Variants in RSPO3 observed in about 807,000 individuals in gnomAD.
RSPO3 encodes the protein R-spondin 3, also known as R-spondin-3.
A neutral mutation model predicts 36.5 loss-of-function variants in RSPO3; 17 were observed. The observed-to-expected ratio is 0.47, with a 90% CI of 0.32 to 0.70. RSPO3 has a LOEUF of 0.70. Ranked by LOEUF, RSPO3 falls within the 30% of genes least tolerant of loss-of-function variation. The pLI, the probability that RSPO3 is intolerant of heterozygous loss-of-function variation, is 0.04. For synonymous variants in RSPO3, 108 were observed against 107.0 expected (o/e 1.01, Z -0.06); for missense variants, 294 against 322.5 (o/e 0.91, Z 0.68).
intron 4 of RSPO3, among the ~76,000 whole-genome samples, chr6:127,188,355 T>C (rs1775338834): frequency 6.6e-6 from 1 of 152,204 alleles, no homozygotes; most frequent in East Asian, 1.9e-4. Flanking sequence ...TGATTACTGA[T>C]ATTTATGATG....
rs1327858667 is a variant in RSPO3 at position 127,119,178 on chromosome 6, C to T, written c.-15C>T. 2.2e-5 allele frequency: 34 copies of T among 1,550,344 alleles called. No homozygotes were observed. The highest frequency in any genetic ancestry group is 2.8e-5 in the Non-Finnish European group (32 of 1,123,574). ...AAGAAAGAGGAGAAAGGAAGGGAAG[C>T]ATTACTGGGTTACTATGCACTTGCG... On this transcript the variant is annotated 5_prime_UTR_variant, in exon 1 of 5. Transcript: ENST00000356698.
At chr6:127,137,182 A>G (rs1324784306) in intron 1 of RSPO3, among the ~76,000 whole-genome samples, 1 of 152,096 alleles carries the variant, frequency 6.6e-6, no homozygotes, top group African/African-American at 2.4e-5. Flanking sequence ...ACTTGAGGTC[A>G]GGAGTTAAAG....
At chr6:127,148,619 G>A in intron 1 of RSPO3, 29 bp from the exon 2 acceptor site, 1 of 1,565,328 alleles carries the variant, frequency 6.4e-7, no homozygotes. Flanking sequence ...TTTAACCTTT[G>A]TAATGTCTTT....
chr6:127,160,187 T>C (rs1023346978), intron 4 of RSPO3, among the ~76,000 whole-genome samples: 2 of 152,216 alleles, frequency 1.3e-5, no homozygotes, highest in Non-Finnish European at 2.9e-5. Flanking sequence ...CCTGATACTT[T>C]AAAATTTCAT....
intron 1 of RSPO3, among the ~76,000 whole-genome samples, chr6:127,123,974 G>T (rs1773892943): frequency 6.6e-6 from 1 of 151,908 alleles, no homozygotes; most frequent in Non-Finnish European, 1.5e-5. Context: ...ATTTGAATCT[G>T]GACAGAGATC....
At chr6:127,177,955 A>C (rs1294868298) in intron 4 of RSPO3, among the ~76,000 whole-genome samples, 1 of 151,676 alleles carries the variant, frequency 6.6e-6, no homozygotes, top group Admixed American at 6.6e-5. Flanking sequence ...TATTAGTCTC[A>C]TAATCAGTGG....
chr6:127,128,035 T>C (rs1285985606), intron 1 of RSPO3, among the ~76,000 whole-genome samples: 2 of 152,108 alleles, frequency 1.3e-5, no homozygotes, highest in Non-Finnish European at 2.9e-5. Flanking sequence ...TGAAAGACTC[T>C]GTGATTGTTA....
chr6:127,162,575 AT>A (rs1178040370), intron 4 of RSPO3, among the ~76,000 whole-genome samples: 2 of 152,184 alleles, frequency 1.3e-5, no homozygotes, highest in East Asian at 3.9e-4. Flanking sequence ...AGATACCTTC[AT>A]ACGCTCAACA....
chr6:127,154,594 A>G (rs1178134256), intron 3 of RSPO3, among the ~76,000 whole-genome samples: 3 of 152,156 alleles, frequency 2.0e-5, no homozygotes, highest in Non-Finnish European at 1.5e-5. Context: ...TAAGCGTACA[A>G]CAGCACATGT....
At chr6:127,130,338 G>A (rs1201561549) in intron 1 of RSPO3, among the ~76,000 whole-genome samples, 1 of 152,064 alleles carries the variant, frequency 6.6e-6, no homozygotes, top group Non-Finnish European at 1.5e-5. Flanking sequence ...TTCCTTTATG[G>A]TTCAGAATGA....
intron 4 of RSPO3, among the ~76,000 whole-genome samples, chr6:127,177,972 G>A (rs1420542343): frequency 6.6e-6 from 1 of 151,686 alleles, no homozygotes; most frequent in East Asian, 2.0e-4. Context: ...GTGGAACACA[G>A]TCCTTTTTTG....
At chr6:127,182,863 T>C (rs903001349) in intron 4 of RSPO3, among the ~76,000 whole-genome samples, 6 of 152,016 alleles carry the variant, frequency 3.9e-5, no homozygotes, top group African/African-American at 1.4e-4. Context: ...GCTAGAATCA[T>C]ATTTCATGAC....
intron 2 of RSPO3, among the ~76,000 whole-genome samples, chr6:127,150,062 C>A (rs1774458945): frequency 6.6e-6 from 1 of 151,814 alleles, no homozygotes; most frequent in African/African-American, 2.4e-5. Context: ...CCCTCAAGAA[C>A]AACACAAAGA....
chr6:127,136,780 T>A lies in RSPO3; in HGVS notation c.98-11868T>A, dbSNP rs78096448. Among the ~76,000 whole-genome samples the A allele has an allele frequency of 9.7e-3, 1,474 of 152,274 alleles. 23 individuals are homozygous for A. Among genetic ancestry groups the A allele is most frequent in the African/African-American group, 0.034 (1,416 of 41,550 alleles). On this transcript the variant is annotated intron_variant, in intron 1 of 4. Transcript: ENST00000356698. The stretch of plus-strand genomic sequence containing the variant: ...CCCACACTACCACAGTTCTCATATA[T>A]CTACCCTGAAGTTCCTACTATTAGT...
At chr6:127,130,149 T>G (rs994091361) in intron 1 of RSPO3, among the ~76,000 whole-genome samples, 2 of 152,118 alleles carry the variant, frequency 1.3e-5, no homozygotes, top group Middle Eastern at 3.2e-3. Context: ...ATTAAAAGAT[T>G]GTTAAACCTT....
intron 1 of RSPO3, among the ~76,000 whole-genome samples, chr6:127,145,128 C>T (rs1486121973): frequency 6.6e-6 from 1 of 152,120 alleles, no homozygotes; most frequent in Non-Finnish European, 1.5e-5. Flanking sequence ...CAACTGCAGG[C>T]TTTTACTCCC....
intron 1 of RSPO3, among the ~76,000 whole-genome samples, chr6:127,145,150 TC>T (rs1188073526): frequency 3.9e-5 from 6 of 152,050 alleles, no homozygotes. Flanking sequence ...TGGTAGCCCC[TC>T]CCCTCTCTAT....
chr6:127,166,349 T>C (rs1476548562), intron 4 of RSPO3, among the ~76,000 whole-genome samples: 1 of 152,040 alleles, frequency 6.6e-6, no homozygotes, highest in Non-Finnish European at 1.5e-5. Flanking sequence ...AAAATCTCTA[T>C]CATGTTAATG....
intron 4 of RSPO3, among the ~76,000 whole-genome samples, chr6:127,184,504 C>T (rs1218401210): frequency 6.6e-6 from 1 of 151,716 alleles, no homozygotes. Context: ...CTAATGATAA[C>T]GTTAATGTTG....
Sources: gnomAD v4.1 joint callset for allele counts (sites outside exome capture counted in the v4.1 genomes callset) on GRCh38, gnomAD v4.1.1 for gene constraint, MANE v1.5 for transcripts, NCBI Gene and HGNC (gene_info 2026-07-23, HGNC 2026-07-21) for gene names.